Variants in TRPM5 observed in about 807,000 individuals in gnomAD.
The protein encoded by TRPM5 is transient receptor potential cation channel subfamily M member 5, also known as MLSN1 and TRP-related.
TRPM5 carries 121 observed loss-of-function variants against 124.9 expected under a neutral mutation model. The observed-to-expected ratio is 0.97, with a 90% CI of 0.84 to 1.13. The LOEUF (loss-of-function observed/expected upper bound fraction) is 1.13, where lower values mean the gene tolerates loss of function less well. Among genes scored for constraint, TRPM5 ranks in the 50% most tolerant of loss-of-function variants. The probability of loss-of-function intolerance (pLI) is 0.00; values close to 1 mark genes in which losing one functional copy is unlikely to be tolerated. For synonymous variants in TRPM5, 781 were observed against 700.5 expected (o/e 1.11, Z -1.81); for missense variants, 1,643 against 1,589.1 (o/e 1.03, Z -0.58).
intron 18 of TRPM5, among the ~76,000 whole-genome samples, chr11:2,409,775 T>C (rs1446455806): frequency 6.6e-6 from 1 of 151,946 alleles, no homozygotes; most frequent in Non-Finnish European, 1.5e-5. Context: ...AGACTCTCAG[T>C]GGGCGGCCGG....
intron 3 of TRPM5, 115 bp from the exon 9 acceptor site, chr11:2,420,520 C>T: frequency 9.2e-7 from 1 of 1,081,166 alleles, no homozygotes; most frequent in Non-Finnish European, 1.3e-6. Flanking sequence ...CCGCACAAGG[C>T]TTCTGCCCGA....
intron 14 of TRPM5, 36 bp from the exon 20 acceptor site, chr11:2,413,048 C>T (rs759818354): frequency 7.0e-6 from 11 of 1,569,468 alleles, no homozygotes; most frequent in African/African-American, 4.0e-5. Context: ...GTGAGGCTGG[C>T]GCCCAGCCGG....
intron 12 of TRPM5, 44 bp from the exon 18 acceptor site, chr11:2,413,632 C>T (rs1338877589): frequency 1.9e-6 from 3 of 1,561,616 alleles, no homozygotes; most frequent in Admixed American, 3.5e-5. Context: ...TGCACCTTTG[C>T]CCAGGCTGCG....
At chr11:2,439,798 C>G in the TRPM5 span, among the ~76,000 whole-genome samples, 1 of 152,172 alleles carries the variant, frequency 6.6e-6, no homozygotes, top group East Asian at 1.9e-4. Context: ...AACAGAAGTT[C>G]CATTTGACCC....
At chr11:2,443,658 A>G in the TRPM5 span, among the ~76,000 whole-genome samples, 1 of 152,050 alleles carries the variant, frequency 6.6e-6, no homozygotes, top group East Asian at 1.9e-4. This position sits in a 1 kb window ranked among gnomAD's most constrained non-coding sequence, Gnocchi z 5.0. Context: ...GGTGGTAGAT[A>G]CATCAAATTG....
intron 4 of TRPM5, among the ~76,000 whole-genome samples, chr11:2,419,061 C>G (rs1845729839): frequency 6.6e-6 from 1 of 152,098 alleles, no homozygotes; most frequent in Admixed American, 6.5e-5. Flanking sequence ...ATATGTGAAG[C>G]CCCCAGAGAG....
At chr11:2,427,829 C>A (rs115370021), upstream of TRPM5, among the ~76,000 whole-genome samples, 2 of 152,208 alleles carry the variant, frequency 1.3e-5, no homozygotes, top group Non-Finnish European at 2.9e-5. Context: ...CAAGAGCACA[C>A]GTCTCATGCC....
chr11:2,440,613 C>T, the TRPM5 span, among the ~76,000 whole-genome samples: 1 of 152,162 alleles, frequency 6.6e-6, no homozygotes, highest in African/African-American at 2.4e-5. This position sits in a 1 kb window ranked among gnomAD's most constrained non-coding sequence, Gnocchi z 5.2. Flanking sequence ...TGCTGACCAC[C>T]CTCCACAATC....
At chr11:2,438,220 G>A in the TRPM5 span, among the ~76,000 whole-genome samples, 1 of 152,160 alleles carries the variant, frequency 6.6e-6, no homozygotes, top group Non-Finnish European at 1.5e-5. This position sits in a 1 kb window ranked among gnomAD's most constrained non-coding sequence, Gnocchi z 5.9. Flanking sequence ...CAAACCCACA[G>A]TCAACATCAT....
At chr11:2,415,396 T>C in exon 9 of TRPM5, 2 of 1,593,234 alleles carry the variant, frequency 1.3e-6, no homozygotes, top group East Asian at 4.5e-5. Context: ...TCTGCGCCGT[T>C]GTCCACAAAG....
chr11:2,406,611 C>T (rs373468092), intron 21 of TRPM5, 50 bp downstream of exon 26: 49 of 1,546,008 alleles, frequency 3.2e-5, no homozygotes, highest in African/African-American at 2.3e-4. Context: ...GGCACATCCC[C>T]GCTTAAAGAC....
At position 2,408,857 on chromosome 11, in the gene TRPM5, A is replaced by G. The variant is rs74050543; in HGVS notation, c.2783-945T>C. ...GCTCTCTCCTCCCTCCCCAGCCTGC[A>G]CGCTGGCGTGTGTCTGTGTGAGCCT... On this transcript the variant is annotated intron_variant, in intron 18 of 23. Coordinates refer to ENST00000155858, the Ensembl canonical transcript of TRPM5. Among the ~76,000 whole-genome samples, 1,196 of 152,314 alleles carry G rather than the reference A, an allele frequency of 7.9e-3. 15 individuals carry two copies. The highest frequency in any genetic ancestry group is 0.027 in the African/African-American group (1,136 of 41,576).
At chr11:2,406,975 G>T in intron 20 of TRPM5, 144 bp downstream of exon 25, 1 of 1,310,370 alleles carries the variant, frequency 7.6e-7, no homozygotes, top group Non-Finnish European at 1.0e-6. Context: ...GCTCAGCTGT[G>T]CCAGCCTGCA....
chr11:2,405,114 G>A (rs1387777829), intron 23 of TRPM5, 71 bp from the exon 29 acceptor site: 1 of 1,344,932 alleles, frequency 7.4e-7, no homozygotes, highest in Non-Finnish European at 1.0e-6. Context: ...AGAGGTAGCT[G>A]GCTCAGAGGC....
chr11:2,433,794 G>C, the TRPM5 span, among the ~76,000 whole-genome samples: 1 of 152,202 alleles, frequency 6.6e-6, no homozygotes, highest in African/African-American at 2.4e-5. Flanking sequence ...GCATGCATAT[G>C]TGTGGACACC....
At chr11:2,404,199 T>C (rs533691717), downstream of TRPM5, among the ~76,000 whole-genome samples, 214 of 152,050 alleles carry the variant, frequency 1.4e-3, 7 homozygotes, top group South Asian at 0.041. Flanking sequence ...GATGACAAAA[T>C]GGGTGTGGAC....
upstream of TRPM5, among the ~76,000 whole-genome samples, chr11:2,427,037 C>T (rs1461369470): frequency 6.6e-6 from 1 of 152,220 alleles, no homozygotes; most frequent in East Asian, 1.9e-4. Flanking sequence ...AGATCCAGAG[C>T]CCGTGGGGCT....
At chr11:2,421,673 C>A (rs551142331) in intron 2 of TRPM5, among the ~76,000 whole-genome samples, 1 of 152,344 alleles carries the variant, frequency 6.6e-6, no homozygotes, top group African/African-American at 2.4e-5. Context: ...GGCCAAGCTG[C>A]CTCAAAAAAC....
chr11:2,412,333 C>A, intron 15 of TRPM5, 80 bp from the exon 21 acceptor site: 1 of 1,151,354 alleles, frequency 8.7e-7, no homozygotes, highest in Non-Finnish European at 1.3e-6. Context: ...AAGCTTGGAT[C>A]TGTAAGGATC....
Sources: allele counts gnomAD v4.1 joint callset (sites outside exome capture counted in the v4.1 genomes callset), GRCh38; gene constraint gnomAD v4.1.1; non-coding constraint Gnocchi (gnomAD v3.1); transcripts MANE v1.5; gene names NCBI Gene and HGNC (gene_info 2026-07-23, HGNC 2026-07-21).